Variants in RBM19 observed in about 807,000 individuals in gnomAD.
RBM19 encodes RNA binding motif protein 19.
RBM19 carries 94 observed loss-of-function variants against 116.8 expected under a neutral mutation model. That is an observed-to-expected ratio of 0.80 (90% CI 0.68 to 0.95). The LOEUF (loss-of-function observed/expected upper bound fraction) is 0.95. Ranked by LOEUF, RBM19 falls within the 40% of genes least tolerant of loss-of-function variation. The pLI is 0.00. For missense variants in RBM19, 1,161 were observed against 1,220.7 expected (o/e 0.95, Z 0.73); for synonymous variants, 475 against 494.1 (o/e 0.96, Z 0.51).
intron 21 of RBM19, among the ~76,000 whole-genome samples, chr12:113,879,015 AT>A (rs1269076523): frequency 1.3e-5 from 2 of 152,174 alleles, no homozygotes; most frequent in African/African-American, 2.4e-5. Context: ...CGTGTGTCCC[AT>A]CCCCGCCGTC....
intron 22 of RBM19, among the ~76,000 whole-genome samples, chr12:113,852,656 T>C (rs1342033894): frequency 6.6e-6 from 1 of 152,206 alleles, no homozygotes; most frequent in Admixed American, 6.5e-5. Flanking sequence ...TGGTGTCACG[T>C]GCCACAGCCT....
chr12:113,843,581 C>G (rs1215483425), intron 23 of RBM19, among the ~76,000 whole-genome samples: 1 of 152,222 alleles, frequency 6.6e-6, no homozygotes, highest in African/African-American at 2.4e-5. Context: ...GGTGGAAAGC[C>G]AGCAGCTGCC....
downstream of RBM19, among the ~76,000 whole-genome samples, chr12:113,818,740 T>A (rs925086270): frequency 2.6e-5 from 4 of 152,172 alleles, no homozygotes; most frequent in South Asian, 2.1e-4. Flanking sequence ...GCCTAGAGAT[T>A]CTAACGCAGG....
At position 113,959,351 on chromosome 12, in the gene RBM19, C is replaced by T. The variant is rs139517355; in HGVS notation, c.432G>A (p.Ala144=). 1.4e-4 allele frequency: 223 copies of T among 1,613,196 alleles called. 1 individual carries two copies. In the African/African-American group the frequency reaches 2.5e-3, roughly 18 times the overall value. ...CATCATTCGCCCAAGTGGCTGCCTG[C>T]GCCCGCCTCTGATGAACTGACAGAA... ...QEFLSVHQRR[A]QAATWANDGL... The change falls in exon 5 of 24, where the codon GCG becomes GCA. Residue 144 remains alanine, a synonymous_variant. Transcript: ENST00000261741.
In RBM19 at chr12:113,948,852, C is replaced by T. The variant is rs147805162; in HGVS notation, c.1257G>A (p.Glu419=). 47 of 1,614,192 alleles carry T rather than the reference C, an allele frequency of 2.9e-5. No individual in the cohort carries two copies. The African/African-American group carries it at 5.7e-4, about 20-fold the overall frequency. Residue 419 remains glutamate, a synonymous_variant, in exon 10 of 24, where the codon GAG becomes GAA. Coordinates refer to ENST00000261741, the MANE Select transcript of RBM19 (RefSeq NM_016196.4). The stretch of plus-strand genomic sequence containing the variant: ...CCCTACCATATTTGGAGAAGAGCTT[C>T]TCCAGATCCTCCTCGGTGCTGGTGT... ...LPYTSTEEDL[E]KLFSKYGPLS...
At chr12:113,935,034 G>C (rs116506539) in intron 16 of RBM19, among the ~76,000 whole-genome samples, 1 of 152,160 alleles carries the variant, frequency 6.6e-6, no homozygotes, top group Non-Finnish European at 1.5e-5. Flanking sequence ...AAGTCTGGCT[G>C]AGATAGGAAA....
chr12:113,949,967 C>T (rs937058369), intron 9 of RBM19, 116 bp downstream of exon 9: 5 of 951,886 alleles, frequency 5.3e-6, no homozygotes, highest in East Asian at 2.4e-5. Context: ...ACAGTGTCTG[C>T]AGAGACACTG....
Position 113,948,810 on chromosome 12 carries a change from C to T in RBM19, c.1276+23G>A, listed in dbSNP as rs556088616. 1.7e-5 allele frequency: 27 copies of T among 1,612,680 alleles called. No homozygotes were observed. In the South Asian group the frequency reaches 1.8e-4, roughly 10 times the overall value. Reference sequence around the variant, plus strand: ...GCTCCCATAGCCGCTGGGCTATCCACGGCCCGGAGGCCACACCCCTACCAT... The same window carrying T: ...GCTCCCATAGCCGCTGGGCTATCCATGGCCCGGAGGCCACACCCCTACCAT... On this transcript the variant is annotated intron_variant, in intron 10 of 23. Transcript: ENST00000261741.
Position 113,918,287 on chromosome 12 carries a change from G to T in RBM19, c.2441+105C>A. ...AGAGTCCTAAATGGTAAAGGGATAG[G>T]TGGAAAGGACATTGAAGGGTTGTGA... On this transcript the variant is annotated intron_variant, in intron 20 of 23. Coordinates refer to ENST00000261741, the MANE Select transcript of RBM19 (RefSeq NM_016196.4). The T allele has an allele frequency of 2.7e-6, 3 of 1,099,756 alleles. No homozygotes were observed. The South Asian group carries it at 3.8e-5, about 14-fold the overall frequency. The allele number at this position is 1,099,756 out of a possible 1,614,324, so 68.1% of individuals were successfully genotyped here.
chr12:113,952,418 G>T, intron 8 of RBM19, 94 bp downstream of exon 8: 1 of 1,137,972 alleles, frequency 8.8e-7, no homozygotes, highest in South Asian at 1.4e-5. Flanking sequence ...GAAGAAAAAC[G>T]GGTGCCCTTA....
At chr12:113,857,514 C>T (rs977332135) in intron 22 of RBM19, among the ~76,000 whole-genome samples, 12 of 152,244 alleles carry the variant, frequency 7.9e-5, no homozygotes, top group Admixed American at 6.5e-4. Flanking sequence ...CAGGGCACCA[C>T]GTGCCTGCCC....
intron 8 of RBM19, among the ~76,000 whole-genome samples, chr12:113,951,391 C>A (rs893562223): frequency 6.6e-6 from 1 of 152,088 alleles, no homozygotes; most frequent in Admixed American, 6.6e-5. Flanking sequence ...ACCAAGGGTA[C>A]CAGCACCATC....
intron 21 of RBM19, among the ~76,000 whole-genome samples, chr12:113,886,531 T>C (rs1880528192): frequency 6.6e-6 from 1 of 152,214 alleles, no homozygotes; most frequent in South Asian, 2.1e-4. Flanking sequence ...AAGTAATGCA[T>C]GAACAGCTGC....
chr12:113,870,290 A>C (rs949868408), intron 21 of RBM19, among the ~76,000 whole-genome samples: 8 of 152,158 alleles, frequency 5.3e-5, no homozygotes, highest in Non-Finnish European at 1.2e-4. Context: ...GTGGCCGCTC[A>C]ACTTCGCAGC....
At chr12:113,946,016 A>G in intron 12 of RBM19, 92 bp from the exon 13 acceptor site, 1 of 1,188,198 alleles carries the variant, frequency 8.4e-7, no homozygotes, top group Non-Finnish European at 1.2e-6. Context: ...ATGGGCTCCT[A>G]GGCCTGCCTA....
At position 113,955,201 on chromosome 12, in the gene RBM19, G is replaced by T. The variant is rs767082901; in HGVS notation, c.851C>A (p.Pro284Gln). The change falls in exon 7 of 24, where the codon CCA (proline) becomes CAA (glutamine). Residue 284 changes from proline (P) to glutamine (Q), a missense_variant. Transcript: ENST00000261741. ...PPEARAETEKPANQKEPTTCH... is the reference protein window; with the variant it reads ...PPEARAETEKQANQKEPTTCH... ...GGTGGTGGGTTCCTTCTGGTTTGCTGGTTTCTCTGTCTGAGTGATCACAAA... is the reference window on the plus strand; with the variant it reads ...GGTGGTGGGTTCCTTCTGGTTTGCTTGTTTCTCTGTCTGAGTGATCACAAA... 6.2e-7 allele frequency: 1 copy of T among 1,614,048 alleles called. No individual in the cohort carries two copies. The highest frequency in any genetic ancestry group is 8.5e-7 in the Non-Finnish European group (1 of 1,179,986).
chr12:113,871,644 T>C (rs1427564882), intron 21 of RBM19, among the ~76,000 whole-genome samples: 1 of 152,152 alleles, frequency 6.6e-6, no homozygotes, highest in Admixed American at 6.5e-5. Flanking sequence ...ACAAAAAGTA[T>C]CAAAACATGA....
intron 14 of RBM19, 24 bp from the exon 15 acceptor site, chr12:113,940,184 A>G: frequency 2.5e-6 from 4 of 1,601,404 alleles, no homozygotes; most frequent in Non-Finnish European, 3.4e-6. Flanking sequence ...ATGCACACAC[A>G]TGGGACCACA....
chr12:113,928,961 AG>A (rs1219030229), intron 16 of RBM19, among the ~76,000 whole-genome samples: 1 of 152,112 alleles, frequency 6.6e-6, no homozygotes, highest in Non-Finnish European at 1.5e-5. Context: ...AGCAGTTCTC[AG>A]GCTGTGCCTT....
Sources: allele counts gnomAD v4.1 joint callset (sites outside exome capture counted in the v4.1 genomes callset), GRCh38; gene constraint gnomAD v4.1.1; transcripts MANE v1.5; gene names NCBI Gene and HGNC (gene_info 2026-07-23, HGNC 2026-07-21).